The following PRKCE variants were observed in gnomAD, a reference collection of about 807,000 sequenced individuals.
The protein encoded by PRKCE is protein kinase C epsilon.
In PRKCE, 16 loss-of-function variants were observed where a neutral mutation model predicts 85.4. The ratio of observed to expected loss-of-function variants is 0.19; its 90% CI spans 0.13 to 0.28. The LOEUF (loss-of-function observed/expected upper bound fraction) is 0.28, where lower values mean the gene tolerates loss of function less well. Among genes scored for constraint, PRKCE ranks in the 10% least tolerant of loss-of-function variants. PRKCE has a pLI of 1.00. For synonymous variants in PRKCE, 388 were observed against 371.5 expected, an observed-to-expected ratio of 1.04 and a Z score of -0.51; for missense variants, 573 against 975.2, an observed-to-expected ratio of 0.59 and a Z score of 5.49.
chr2:46,166,205 C>T (rs189521065), intron 14 of PRKCE, among the ~76,000 whole-genome samples: 4 of 152,348 alleles, frequency 2.6e-5, no homozygotes, highest in Admixed American at 2.6e-4. Context: ...TGAGGAGGAG[C>T]CCTGTTGAAC....
chr2:46,137,928 A>T (rs1675156512), intron 11 of PRKCE, among the ~76,000 whole-genome samples: 2 of 152,144 alleles, frequency 1.3e-5, no homozygotes, highest in African/African-American at 2.4e-5. Context: ...GCAAAATCAC[A>T]TTAGGGATCT....
At chr2:45,894,206 A>C (rs887929432) in intron 2 of PRKCE, among the ~76,000 whole-genome samples, 1 of 151,980 alleles carries the variant, frequency 6.6e-6, no homozygotes, top group Non-Finnish European at 1.5e-5. Flanking sequence ...CTTAGAGCTG[A>C]TTTTAGCCAG....
intron 1 of PRKCE, among the ~76,000 whole-genome samples, chr2:45,816,074 C>T (rs1253773128): frequency 1.3e-5 from 2 of 152,198 alleles, no homozygotes; most frequent in Non-Finnish European, 2.9e-5. Context: ...GTAAAGAGTA[C>T]TGGAAAGGCA....
chr2:46,051,686 T>C (rs980039937), intron 10 of PRKCE, among the ~76,000 whole-genome samples: 1 of 152,230 alleles, frequency 6.6e-6, no homozygotes, highest in African/African-American at 2.4e-5. Context: ...CTGCTGTTTT[T>C]ACCTTAGTGA....
At chr2:45,916,922 A>G (rs1252867407) in intron 2 of PRKCE, among the ~76,000 whole-genome samples, 1 of 152,188 alleles carries the variant, frequency 6.6e-6, no homozygotes, top group African/African-American at 2.4e-5. Flanking sequence ...TCACCGGCTC[A>G]GGAGTGAAAC....
At chr2:45,947,408 G>T (rs973572149) in intron 2 of PRKCE, among the ~76,000 whole-genome samples, 2 of 152,092 alleles carry the variant, frequency 1.3e-5, no homozygotes, top group Non-Finnish European at 2.9e-5. Context: ...TGACTGTAGG[G>T]ATGATTACAT....
Position 45,865,518 on chromosome 2 carries a change from C to T in PRKCE, c.412+22455C>T, listed in dbSNP as rs565157974. 1.1e-3 allele frequency among the ~76,000 whole-genome samples: 169 copies of T among 152,292 alleles called. 1 individual carries two copies. Among genetic ancestry groups the T allele is most frequent in the Non-Finnish European group, 1.9e-3 (130 of 68,030 alleles). ...TAGTGCTATGTGTTGAATATGTCCC[C>T]TCCAAAATTCAGATGTTGTGCATGT... On this transcript the variant is annotated intron_variant, in intron 2 of 14. Coordinates refer to ENST00000306156, the MANE Select transcript of PRKCE (RefSeq NM_005400.3).
At chr2:46,086,137 T>C (rs1669615979) in intron 10 of PRKCE, 71 bp from the exon 11 acceptor site, 24 of 1,506,364 alleles carry the variant, frequency 1.6e-5, no homozygotes, top group Middle Eastern at 4.3e-4. Flanking sequence ...TACACTGAGC[T>C]CACACTAAGC....
intron 1 of PRKCE, among the ~76,000 whole-genome samples, chr2:45,761,302 G>A (rs1020337472): frequency 1.4e-5 from 2 of 145,384 alleles, no homozygotes; most frequent in African/African-American, 5.1e-5. Context: ...ACTCCAGCCT[G>A]GGCGACAGAG....
intron 11 of PRKCE, among the ~76,000 whole-genome samples, chr2:46,092,346 C>G (rs543754229): frequency 6.6e-6 from 1 of 152,274 alleles, no homozygotes; most frequent in African/African-American, 2.4e-5. Flanking sequence ...TTCTCCAAGC[C>G]TTTTGATCTC....
intron 1 of PRKCE, among the ~76,000 whole-genome samples, chr2:45,692,712 C>G (rs565238746): frequency 6.8e-6 from 1 of 146,198 alleles, no homozygotes; most frequent in African/African-American, 2.8e-5. Flanking sequence ...AGGGAGGACA[C>G]ACACACACAC....
intron 10 of PRKCE, among the ~76,000 whole-genome samples, chr2:46,029,640 C>G (rs867980003): frequency 9.3e-5 from 14 of 151,350 alleles, no homozygotes; most frequent in Admixed American, 2.6e-4. Flanking sequence ...GTTCATGCAT[C>G]GCTAATTGCT....
chr2:45,766,245 G>C (rs1448135079), intron 1 of PRKCE, among the ~76,000 whole-genome samples: 2 of 152,190 alleles, frequency 1.3e-5, no homozygotes, highest in Non-Finnish European at 2.9e-5. Flanking sequence ...TAATCGACTG[G>C]GAGAAGGAAA....
At chr2:45,881,810 A>T (rs1005519803) in intron 2 of PRKCE, among the ~76,000 whole-genome samples, 1 of 152,136 alleles carries the variant, frequency 6.6e-6, no homozygotes, top group South Asian at 2.1e-4. Context: ...AGGGAACGAG[A>T]TTGAATTTTA....
chr2:46,145,001 G>A lies in PRKCE; in HGVS notation c.1593-92G>A. On this transcript the variant is annotated intron_variant, in intron 11 of 14. Coordinates refer to ENST00000306156, the MANE Select transcript of PRKCE (RefSeq NM_005400.3). This position sits in a 1 kb window ranked among gnomAD's most constrained non-coding sequence, Gnocchi z 4.6. ...CTTCTTTCAGGACTTTTTTGCTGGA[G>A]ATTTCCCTAAGATAGGCACATACCT... 1 of 1,545,476 alleles carries A rather than the reference G, an allele frequency of 6.5e-7. No homozygotes were observed.
chr2:46,183,004 A>C (rs2592156), intron 14 of PRKCE, among the ~76,000 whole-genome samples: 122,650 of 152,228 alleles, frequency 0.81, 49,807 homozygotes, highest in East Asian at 0.97. Flanking sequence ...GGGAAAGTCA[A>C]CAAACCTCTC....
chr2:45,745,736 G>A (rs183976998), intron 1 of PRKCE, among the ~76,000 whole-genome samples: 4 of 152,306 alleles, frequency 2.6e-5, no homozygotes, highest in South Asian at 4.1e-4. Context: ...GGGATAATAC[G>A]TGTGGACCAG....
intron 1 of PRKCE, among the ~76,000 whole-genome samples, chr2:45,832,347 C>T (rs1309920241): frequency 6.7e-6 from 1 of 148,554 alleles, no homozygotes; most frequent in African/African-American, 2.5e-5. Flanking sequence ...GAGTCTCACT[C>T]TGTTGCCCAG....
intron 2 of PRKCE, among the ~76,000 whole-genome samples, chr2:45,966,023 A>G (rs74865110): frequency 0.056 from 8,533 of 151,272 alleles, 508 homozygotes; most frequent in African/African-American, 0.15. Flanking sequence ...CTGACAGGAA[A>G]CTTCTACACA....
Sources: gnomAD v4.1 joint callset for allele counts (sites outside exome capture counted in the v4.1 genomes callset) on GRCh38, gnomAD v4.1.1 for gene constraint, Gnocchi (gnomAD v3.1) non-coding constraint, MANE v1.5 for transcripts, NCBI Gene and HGNC (gene_info 2026-07-23, HGNC 2026-07-21) for gene names.